Variants in SLC26A5 observed in about 807,000 individuals in gnomAD.
SLC26A5 encodes solute carrier family 26 member 5, also known as prestin.
In SLC26A5, 51 loss-of-function variants were observed where a neutral mutation model predicts 81.0. The ratio of observed to expected loss-of-function variants is 0.63; its 90% CI spans 0.50 to 0.80. SLC26A5 has a LOEUF of 0.80. Among genes scored for constraint, SLC26A5 ranks in the 30% least tolerant of loss-of-function variants. The probability of loss-of-function intolerance (pLI) is 0.00; values close to 1 mark genes in which losing one functional copy is unlikely to be tolerated. For synonymous variants in SLC26A5, 325 were observed against 332.8 expected, an observed-to-expected ratio of 0.98 and a Z score of 0.25; for missense variants, 771 against 905.8, an observed-to-expected ratio of 0.85 and a Z score of 1.91.
At chr7:103,439,568 C>T (rs1252795414) in intron 2 of SLC26A5, among the ~76,000 whole-genome samples, 1 of 150,928 alleles carries the variant, frequency 6.6e-6, no homozygotes. Context: ...GAGTCTCACT[C>T]TGTTGCCCAG....
In SLC26A5 at chr7:103,398,019, A is replaced by G. The variant is rs1057523783; in HGVS notation, c.889-5T>C. 2 of 1,612,728 alleles carry G rather than the reference A, an allele frequency of 1.2e-6. No homozygotes were observed. Among genetic ancestry groups the G allele is most frequent in the South Asian group, 2.2e-5 (2 of 91,036 alleles). ...AATGCCAGTTCCCATTACGACCTAA[A>G]AAGACACAAATCCAAATGCACCTTT... On this transcript the variant is annotated splice_region_variant and splice_polypyrimidine_tract_variant and intron_variant, in intron 8 of 19. Coordinates refer to ENST00000306312, the MANE Select transcript of SLC26A5 (RefSeq NM_198999.3).
In SLC26A5 at chr7:103,428,188, T is replaced by C. The variant is rs74192891; in HGVS notation, c.-53-6621A>G. On this transcript the variant is annotated intron_variant, in intron 2 of 19. Transcript: ENST00000306312. ...ATTCTAATTTAATAATTCTAGAATC[T>C]GTATTTTTTTAAAGCTCATGGAGTG... 6.6e-5 allele frequency among the ~76,000 whole-genome samples: 10 copies of C among 152,282 alleles called. No homozygotes were observed. In the East Asian group the frequency reaches 1.9e-3, roughly 29 times the overall value.
intron 14 of SLC26A5, among the ~76,000 whole-genome samples, chr7:103,387,454 G>A (rs1047781173): frequency 1.3e-5 from 2 of 152,202 alleles, no homozygotes; most frequent in African/African-American, 4.8e-5. Flanking sequence ...TTCCCTCTGT[G>A]TTAGAGCGGG....
At chr7:103,358,476 T>A (rs1820170479) in intron 19 of SLC26A5, among the ~76,000 whole-genome samples, 1 of 152,168 alleles carries the variant, frequency 6.6e-6, no homozygotes, top group Non-Finnish European at 1.5e-5. Context: ...CTCCTCTAAT[T>A]TGCTAATCTT....
Position 103,389,373 on chromosome 7 carries a change from A to G in SLC26A5, c.1363T>C (p.Phe455Leu). 6.2e-7 allele frequency: 1 copy of G among 1,614,176 alleles called. No homozygotes were observed. Among genetic ancestry groups the G allele is most frequent in the Non-Finnish European group, 8.5e-7 (1 of 1,180,020 alleles). Residue 455 changes from phenylalanine (F) to leucine (L), a missense_variant, in exon 13 of 20, where the codon TTC becomes CTC. Coordinates refer to ENST00000306312, the MANE Select transcript of SLC26A5 (RefSeq NM_198999.3). The part of the protein sequence containing the change: ...IVNLKGMFMQ[F>L]SDLPFFWRTS... ...CTCCAGAAAAAGGGGAGATCTGAGA[A>G]CTGCATAAACATTCCCTTCAGGTTG...
At chr7:103,374,176 C>T (rs1821174456), downstream of SLC26A5, 2 of 1,331,522 alleles carry the variant, frequency 1.5e-6, no homozygotes. Flanking sequence ...GCAGAAATGT[C>T]TCTCCATAAT....
chr7:103,437,649 G>A (rs1826550617), intron 2 of SLC26A5, among the ~76,000 whole-genome samples: 1 of 152,168 alleles, frequency 6.6e-6, no homozygotes, highest in Non-Finnish European at 1.5e-5. Context: ...GATGAATCTG[G>A]AGGATATGAT....
At chr7:103,352,867 G>T (rs770867741) in exon 20 of SLC26A5, 3 of 780,730 alleles carry the variant, frequency 3.8e-6, no homozygotes, top group Non-Finnish European at 7.2e-6. Flanking sequence ...AGCCTGAACT[G>T]CTTGGATTAC....
chr7:103,436,827 A>G (rs1826486057), intron 2 of SLC26A5, among the ~76,000 whole-genome samples: 1 of 152,228 alleles, frequency 6.6e-6, no homozygotes, highest in South Asian at 2.1e-4. Flanking sequence ...GTTGAGACCT[A>G]AAACTGTAAA....
At chr7:103,363,993 G>T in intron 19 of SLC26A5, 2 of 694,730 alleles carry the variant, frequency 2.9e-6, no homozygotes, top group Non-Finnish European at 2.3e-6. Context: ...GTTCAAGTAT[G>T]TATATTGTGG....
intron 2 of SLC26A5, among the ~76,000 whole-genome samples, chr7:103,432,321 C>T (rs117826939): frequency 4.0e-4 from 61 of 152,112 alleles, no homozygotes; most frequent in Non-Finnish European, 8.1e-4. Flanking sequence ...ATTTATTCTC[C>T]CTTTTCTCTT....
chr7:103,355,685 T>C, intron 19 of SLC26A5: 1 of 1,606,332 alleles, frequency 6.2e-7, no homozygotes, highest in South Asian at 1.1e-5. Flanking sequence ...GTCATCTTTC[T>C]CTATGTAGGT....
At chr7:103,381,051 T>C (rs2116383010) in intron 14 of SLC26A5, among the ~76,000 whole-genome samples, 1 of 149,358 alleles carries the variant, frequency 6.7e-6, no homozygotes, top group East Asian at 2.0e-4. Context: ...ACATACCTCA[T>C]ATCACACACA....
intron 8 of SLC26A5, among the ~76,000 whole-genome samples, chr7:103,404,183 CA>C (rs879937204): frequency 3.1e-3 from 445 of 143,180 alleles, no homozygotes; most frequent in African/African-American, 8.6e-3. Context: ...GACTTTGTCT[CA>C]AAAAAAAAAA....
At chr7:103,443,506 T>C (rs184538662) in intron 1 of SLC26A5, among the ~76,000 whole-genome samples, 57 of 152,294 alleles carry the variant, frequency 3.7e-4, no homozygotes, top group African/African-American at 1.2e-3. Context: ...ATATGAGAAA[T>C]TGTGTCCAGA....
chr7:103,361,037 C>T (rs1820359159), intron 19 of SLC26A5, among the ~76,000 whole-genome samples: 1 of 151,732 alleles, frequency 6.6e-6, no homozygotes, highest in Non-Finnish European at 1.5e-5. Context: ...CTGCTTGAAC[C>T]CAGGAGGCGG....
chr7:103,399,307 C>A (rs1308237679), intron 8 of SLC26A5, among the ~76,000 whole-genome samples: 1 of 152,136 alleles, frequency 6.6e-6, no homozygotes, highest in Non-Finnish European at 1.5e-5. Context: ...CTTTCCCACG[C>A]AAAGGTGCTC....
intron 8 of SLC26A5, among the ~76,000 whole-genome samples, chr7:103,405,140 C>G (rs1823935907): frequency 6.6e-6 from 1 of 152,112 alleles, no homozygotes; most frequent in Non-Finnish European, 1.5e-5. Context: ...GTTCCTTTAG[C>G]TCGGAGGAGT....
At chr7:103,379,181 C>A in intron 16 of SLC26A5, 62 bp downstream of exon 16, 1 of 1,141,594 alleles carries the variant, frequency 8.8e-7, no homozygotes, top group African/African-American at 1.5e-5. Flanking sequence ...TACTAGTGAT[C>A]CTCATATCCC....
Sources: allele counts gnomAD v4.1 joint callset (sites outside exome capture counted in the v4.1 genomes callset), GRCh38; gene constraint gnomAD v4.1.1; transcripts MANE v1.5; gene names NCBI Gene and HGNC (gene_info 2026-07-23, HGNC 2026-07-21).